PAQR3: variants seen among roughly 807,000 people sequenced by gnomAD.
PAQR3 encodes the protein progestin and adipoQ receptor family member 3.
Under a neutral mutation model 41.7 loss-of-function variants are expected in PAQR3, and 39 were observed. That is an observed-to-expected ratio of 0.93 (90% CI 0.72 to 1.22). The LOEUF (loss-of-function observed/expected upper bound fraction) is 1.22, where lower values mean the gene tolerates loss of function less well. PAQR3 is among the 50% of genes most tolerant of loss of function. The probability of loss-of-function intolerance (pLI) is 0.00; values close to 1 mark genes in which losing one functional copy is unlikely to be tolerated. For missense variants in PAQR3, 366 were observed against 385.6 expected (o/e 0.95, Z 0.42); for synonymous variants, 140 against 140.6 (o/e 1.00, Z 0.03).
intron 2 of PAQR3, among the ~76,000 whole-genome samples, chr4:78,931,629 A>G (rs969568891): frequency 6.6e-6 from 1 of 152,128 alleles, no homozygotes; most frequent in Non-Finnish European, 1.5e-5. Flanking sequence ...AGTGCACAGC[A>G]TAATTGGAAA....
At chr4:78,927,865 G>C (rs997562905) in intron 3 of PAQR3, among the ~76,000 whole-genome samples, 1 of 152,208 alleles carries the variant, frequency 6.6e-6, no homozygotes, top group Non-Finnish European at 1.5e-5. Context: ...ATGTCAGACT[G>C]TTTAGGGTGT....
intron 3 of PAQR3, among the ~76,000 whole-genome samples, chr4:78,929,572 T>C (rs1489899182): frequency 6.6e-6 from 1 of 152,214 alleles, no homozygotes; most frequent in Admixed American, 6.5e-5. Context: ...GTGAACTTAG[T>C]GACAGAAAGC....
At chr4:78,887,599 A>G (rs1733166782) in intron 12 of PAQR3, among the ~76,000 whole-genome samples, 2 of 152,282 alleles carry the variant, frequency 1.3e-5, no homozygotes, top group South Asian at 2.1e-4. Context: ...TAAAAATTTG[A>G]TATTTTCCTA....
At chr4:78,911,455 G>A (rs1251186741), downstream of PAQR3, 1 of 1,613,906 alleles carries the variant, frequency 6.2e-7, no homozygotes, top group Non-Finnish European at 8.5e-7. Flanking sequence ...GCAGCAAAAA[G>A]TCAAACAGCG....
intron 5 of PAQR3, chr4:78,921,661 C>T (rs989136969): frequency 1.0e-6 from 1 of 983,966 alleles, no homozygotes; most frequent in African/African-American, 1.8e-5. Context: ...CCATCAAATG[C>T]CACTGTGTTG....
At chr4:78,890,118 C>T (rs1260861877) in intron 11 of PAQR3, among the ~76,000 whole-genome samples, 1 of 151,662 alleles carries the variant, frequency 6.6e-6, no homozygotes, top group Non-Finnish European at 1.5e-5. Context: ...TAAATTGAAA[C>T]TTTATTAAAG....
At chr4:78,891,886 G>A (rs542563603) in intron 11 of PAQR3, among the ~76,000 whole-genome samples, 2 of 152,150 alleles carry the variant, frequency 1.3e-5, no homozygotes, top group Admixed American at 6.5e-5. Context: ...AGATTACTGA[G>A]TCTAAAATGT....
intron 1 of PAQR3, among the ~76,000 whole-genome samples, chr4:78,937,739 C>T (rs947031856): frequency 1.3e-5 from 2 of 152,170 alleles, no homozygotes; most frequent in East Asian, 3.8e-4. Flanking sequence ...GATTTGGATA[C>T]TAAAGTCTTT....
rs779944789 is a variant in PAQR3, at chr4:78,919,236, A to G, written c.*1303T>C. On this transcript the variant is annotated 3_prime_UTR_variant, in exon 6 of 6. Transcript: ENST00000512733. The stretch of plus-strand genomic sequence containing the variant: ...TATTCAGTAATTTTACTGTTCTGAA[A>G]ATACACCAGTATTTAAAACAGCTCA... The G allele has an allele frequency of 1.7e-4, 172 of 984,586 alleles. No homozygotes were observed. In the Middle Eastern group the frequency reaches 4.2e-3, roughly 24 times the overall value. The allele number at this position is 984,586 out of a possible 1,614,324, so 61.0% of individuals were successfully genotyped here.
rs749569503 is a variant in PAQR3 at position 78,939,219 on chromosome 4, A to T, written c.6T>A (p.His2Gln). M[H>Q]QKLLKSAHYI... ...AATGCGCGCTCTTCAGCAGCTTCTGATGCATCGTTCCCGGCCGCCGCCGCT... is the reference window on the plus strand; with the variant it reads ...AATGCGCGCTCTTCAGCAGCTTCTGTTGCATCGTTCCCGGCCGCCGCCGCT... Residue 2 changes from histidine (H) to glutamine (Q), a missense_variant, in exon 1 of 6, where the codon CAT becomes CAA. Coordinates refer to ENST00000512733, the MANE Select transcript of PAQR3 (RefSeq NM_001040202.2). 6.3e-7 allele frequency: 1 copy of T among 1,585,666 alleles called. No individual in the cohort carries two copies. Among genetic ancestry groups the T allele is most frequent in the South Asian group, 1.1e-5 (1 of 87,756 alleles).
intron 11 of PAQR3, among the ~76,000 whole-genome samples, chr4:78,899,869 A>G (rs771300384): frequency 4.6e-5 from 7 of 152,222 alleles, no homozygotes; most frequent in Non-Finnish European, 5.9e-5. Context: ...ATTCTTTCCA[A>G]GAGTCCAGCT....
intron 10 of PAQR3, among the ~76,000 whole-genome samples, chr4:78,906,783 G>T (rs1376397190): frequency 6.6e-6 from 1 of 152,130 alleles, no homozygotes; most frequent in Non-Finnish European, 1.5e-5. Flanking sequence ...GCCATTCCCA[G>T]GACATGATGA....
At chr4:78,888,514 A>G (rs1733233271) in intron 11 of PAQR3, among the ~76,000 whole-genome samples, 1 of 152,196 alleles carries the variant, frequency 6.6e-6, no homozygotes, top group Non-Finnish European at 1.5e-5. Context: ...TAGGAATTGC[A>G]TTATCCTTTT....
chr4:78,921,911 T>C (rs961167772), intron 5 of PAQR3: 1 of 985,088 alleles, frequency 1.0e-6, no homozygotes, highest in Middle Eastern at 5.2e-4. Flanking sequence ...GCACATTTTA[T>C]GTCAAGTGTG....
downstream of PAQR3, among the ~76,000 whole-genome samples, chr4:78,908,984 C>A (rs184042589): frequency 6.7e-6 from 1 of 149,252 alleles, no homozygotes; most frequent in Non-Finnish European, 1.5e-5. Context: ...GTCATCTAGG[C>A]CACCAAAATC....
Position 78,913,270 on chromosome 4 carries a change from G to C in PAQR3, c.*7269C>G, listed in dbSNP as rs1047858954. ...CCAGATCCTAAAATGCATATAAGGT[G>C]GACTAGCATCTTAATTCTGCTAGTT... On this transcript the variant is annotated 3_prime_UTR_variant, in exon 6 of 6. Transcript: ENST00000512733. The C allele has an allele frequency of 6.6e-6, 1 of 152,036 alleles. No individual in the cohort carries two copies. The highest frequency in any genetic ancestry group is 1.5e-5 in the Non-Finnish European group (1 of 67,960). 9.4% of individuals were successfully genotyped at this position (152,036 alleles called of 1,614,324 possible).
chr4:78,930,640 A>C, intron 2 of PAQR3: 1 of 174,114 alleles, frequency 5.7e-6, no homozygotes, highest in African/African-American at 2.4e-5. Flanking sequence ...ATACAATGCA[A>C]ATGTTTTAAA....
intron 4 of PAQR3, among the ~76,000 whole-genome samples, chr4:78,925,632 T>C (rs1163920546): frequency 1.3e-5 from 2 of 152,142 alleles, no homozygotes; most frequent in Admixed American, 6.6e-5. Context: ...TAATGGTCCC[T>C]CCTCTTCTAA....
chr4:78,899,306 G>T (rs1733875982), intron 11 of PAQR3, among the ~76,000 whole-genome samples: 1 of 152,268 alleles, frequency 6.6e-6, no homozygotes, highest in South Asian at 2.1e-4. Context: ...GCAGATTTTT[G>T]TTTCAGCAAA....
Sources: allele counts gnomAD v4.1 joint callset (sites outside exome capture counted in the v4.1 genomes callset), GRCh38; gene constraint gnomAD v4.1.1; transcripts MANE v1.5; gene names NCBI Gene and HGNC (gene_info 2026-07-23, HGNC 2026-07-21).